The following ATRNL1 variants were observed in gnomAD, a reference collection of about 807,000 sequenced individuals.
ATRNL1 encodes the protein attractin like 1.
ATRNL1 carries 95 observed loss-of-function variants against 182.7 expected under a neutral mutation model. That is an observed-to-expected ratio of 0.52 (90% CI 0.44 to 0.62). The LOEUF (loss-of-function observed/expected upper bound fraction) is 0.62, where lower values mean the gene tolerates loss of function less well. ATRNL1 is among the 20% of genes least tolerant of loss of function. ATRNL1 has a pLI of 0.00. For missense variants in ATRNL1, 1,471 were observed against 1,679.5 expected (o/e 0.88, Z 2.17); for synonymous variants, 576 against 568.3 (o/e 1.01, Z -0.19).
At chr10:115,444,826 G>A (rs556007922) in intron 21 of ATRNL1, among the ~76,000 whole-genome samples, 3 of 151,676 alleles carry the variant, frequency 2.0e-5, no homozygotes, top group African/African-American at 4.8e-5. Flanking sequence ...CCGCCTCTCG[G>A]GTTCATGCGA....
chr10:115,168,569 G>A (rs1847149841), intron 7 of ATRNL1, among the ~76,000 whole-genome samples: 2 of 152,108 alleles, frequency 1.3e-5, no homozygotes, highest in South Asian at 2.1e-4. Context: ...AACTAATGAT[G>A]TTGAGCATCT....
intron 26 of ATRNL1, among the ~76,000 whole-genome samples, chr10:115,717,708 C>T (rs969975716): frequency 5.3e-5 from 8 of 151,922 alleles, no homozygotes; most frequent in Admixed American, 2.6e-4. Flanking sequence ...TGTGCCACTA[C>T]GCCCAGCTAA....
chr10:115,521,704 A>C (rs184984943), intron 25 of ATRNL1, among the ~76,000 whole-genome samples: 2 of 152,338 alleles, frequency 1.3e-5, no homozygotes, highest in African/African-American at 4.8e-5. Flanking sequence ...ACAATGTAAA[A>C]TAAAATATTC....
intron 1 of ATRNL1, among the ~76,000 whole-genome samples, chr10:115,111,003 C>T (rs901536815): frequency 2.0e-5 from 3 of 152,126 alleles, no homozygotes; most frequent in Non-Finnish European, 4.4e-5. Flanking sequence ...TTATTTGACC[C>T]TATTTGATGC....
chr10:115,683,618 G>T (rs1055419752), intron 26 of ATRNL1, among the ~76,000 whole-genome samples: 1 of 130,718 alleles, frequency 7.7e-6, no homozygotes, highest in Non-Finnish European at 1.6e-5. Context: ...CAGCCTCACT[G>T]ACTAGATAAC....
chr10:115,766,828 G>A (rs1229040902), intron 27 of ATRNL1, among the ~76,000 whole-genome samples: 9 of 152,006 alleles, frequency 5.9e-5, no homozygotes, highest in Non-Finnish European at 1.5e-5. Flanking sequence ...ATATCAACTG[G>A]CCTTGATTAA....
At chr10:115,545,819 A>G (rs1333593388) in intron 25 of ATRNL1, among the ~76,000 whole-genome samples, 1 of 152,238 alleles carries the variant, frequency 6.6e-6, no homozygotes. Context: ...AGGATCTGGT[A>G]TCTGGATGTA....
intron 26 of ATRNL1, among the ~76,000 whole-genome samples, chr10:115,613,244 T>A (rs933531042): frequency 6.6e-6 from 1 of 152,226 alleles, no homozygotes; most frequent in African/African-American, 2.4e-5. Context: ...AACAAAGAGA[T>A]ACTGATCTTT....
intron 19 of ATRNL1, among the ~76,000 whole-genome samples, chr10:115,384,094 G>C (rs567556562): frequency 1.2e-4 from 19 of 152,100 alleles, no homozygotes; most frequent in African/African-American, 4.3e-4. Flanking sequence ...ATTTGAAAAA[G>C]TGTGAGTTTG....
chr10:115,946,811 G>C lies in ATRNL1; in HGVS notation c.*2032G>C, dbSNP rs1953886509. ...CAAAGATATAATCATTTTTTAAAAA[G>C]TGATTGCCCAATGTATTTCTCTAAC... On this transcript the variant is annotated 3_prime_UTR_variant, in exon 29 of 29. Coordinates refer to ENST00000355044, the MANE Select transcript of ATRNL1 (RefSeq NM_207303.4). The C allele has an allele frequency of 6.6e-6, 1 of 152,082 alleles. No individual in the cohort carries two copies. Among genetic ancestry groups the C allele is most frequent in the Non-Finnish European group, 1.5e-5 (1 of 68,014 alleles). 9.4% of individuals were successfully genotyped at this position (152,082 alleles called of 1,614,324 possible). A position where few individuals can be genotyped will look rare whatever the true frequency, so the allele number is the denominator to read the frequency against.
intron 27 of ATRNL1, among the ~76,000 whole-genome samples, chr10:115,739,221 C>T (rs1373284971): frequency 6.6e-6 from 1 of 152,134 alleles, no homozygotes; most frequent in Non-Finnish European, 1.5e-5. Flanking sequence ...ATACTGGCTG[C>T]CATTCAAGAG....
At chr10:115,608,836 T>TTATTTGGAA (rs144420639) in intron 26 of ATRNL1, among the ~76,000 whole-genome samples, 1,650 of 152,094 alleles carry the variant, frequency 0.011, 27 homozygotes, top group African/African-American at 0.037. Flanking sequence ...CTTTGGACTT[T>TTATTTGGAA]GCAATAAGTT....
At chr10:115,316,508 G>A (rs923829512) in intron 18 of ATRNL1, among the ~76,000 whole-genome samples, 1 of 151,358 alleles carries the variant, frequency 6.6e-6, no homozygotes, top group Non-Finnish European at 1.5e-5. Context: ...GGTATTTCTG[G>A]TTCTAGATCC....
intron 26 of ATRNL1, among the ~76,000 whole-genome samples, chr10:115,623,504 CTA>C (rs1232017683): frequency 6.6e-6 from 1 of 152,048 alleles, no homozygotes; most frequent in African/African-American, 2.4e-5. Flanking sequence ...AGAGAAAAAT[CTA>C]TAGTCTTAAC....
Position 115,865,499 on chromosome 10 carries a change from C to T in ATRNL1, c.4018+17508C>T, listed in dbSNP as rs868981339. On this transcript the variant is annotated intron_variant, in intron 28 of 28. Coordinates refer to ENST00000355044, the MANE Select transcript of ATRNL1 (RefSeq NM_207303.4). Reference sequence around the variant, plus strand: ...TTTCATTATATGGTTCCTGGGCCAGCCTCAAAAGCTTACTTAACCTACAAT... The same window carrying T: ...TTTCATTATATGGTTCCTGGGCCAGTCTCAAAAGCTTACTTAACCTACAAT... 3.4e-4 allele frequency among the ~76,000 whole-genome samples: 51 copies of T among 152,200 alleles called. 2 individuals carry two copies. The highest frequency in any genetic ancestry group is 6.8e-3 in the Middle Eastern group (2 of 294).
At chr10:115,316,812 A>C (rs1267027129) in intron 18 of ATRNL1, among the ~76,000 whole-genome samples, 2 of 152,186 alleles carry the variant, frequency 1.3e-5, no homozygotes, top group Non-Finnish European at 2.9e-5. Context: ...TCTGGATATT[A>C]GACCTATGTC....
chr10:115,103,163 G>C (rs926003130), intron 1 of ATRNL1, among the ~76,000 whole-genome samples: 4 of 151,228 alleles, frequency 2.6e-5, no homozygotes, highest in Admixed American at 2.6e-4. Flanking sequence ...TCAGCCTCCT[G>C]AGTAGCTGGG....
chr10:115,297,690 A>G (rs1853272505), intron 15 of ATRNL1, among the ~76,000 whole-genome samples: 1 of 151,104 alleles, frequency 6.6e-6, no homozygotes, highest in Admixed American at 6.6e-5. Context: ...ACCAATGAAC[A>G]TGTGAAAATT....
chr10:115,224,978 T>C (rs574697263), intron 9 of ATRNL1, among the ~76,000 whole-genome samples: 193 of 152,232 alleles, frequency 1.3e-3, no homozygotes, highest in African/African-American at 4.3e-3. Flanking sequence ...ATAACATCAA[T>C]CTTTCACAAA....
Sources: gnomAD v4.1 joint callset for allele counts (sites outside exome capture counted in the v4.1 genomes callset) on GRCh38, gnomAD v4.1.1 for gene constraint, MANE v1.5 for transcripts, NCBI Gene and HGNC (gene_info 2026-07-23, HGNC 2026-07-21) for gene names.